SHISA6: variants seen among roughly 807,000 people sequenced by gnomAD.
SHISA6 encodes shisa family member 6.
A neutral mutation model predicts 47.9 loss-of-function variants in SHISA6; 22 were observed. That is an observed-to-expected ratio of 0.46 (90% confidence interval 0.33 to 0.66). SHISA6 has a LOEUF of 0.66. Among genes scored for constraint, SHISA6 ranks in the 30% least tolerant of loss-of-function variants. The pLI, the probability that SHISA6 is intolerant of heterozygous loss-of-function variation, is 0.02. For synonymous variants in SHISA6, 388 were observed against 337.8 expected (o/e 1.15, Z -1.63); for missense variants, 680 against 764.6 (o/e 0.89, Z 1.30).
intron 2 of SHISA6, among the ~76,000 whole-genome samples, chr17:11,345,992 C>A (rs750262828): frequency 6.6e-6 from 1 of 152,122 alleles, no homozygotes; most frequent in African/African-American, 2.4e-5. Flanking sequence ...ACCTCCAGTA[C>A]AATAAAAGTT....
chr17:11,462,613 T>C lies in SHISA6; in HGVS notation c.895+83104T>C, dbSNP rs117049217. On this transcript the variant is annotated intron_variant, in intron 3 of 5. Transcript: ENST00000441885. ...AACACAGCTGACAGTGTGGGGTTTTTTTTGTTTGTTTGTTTTTGTTTTTTT... is the reference window on the plus strand; with the variant it reads ...AACACAGCTGACAGTGTGGGGTTTTCTTTGTTTGTTTGTTTTTGTTTTTTT... 2.9e-3 allele frequency among the ~76,000 whole-genome samples: 443 copies of C among 152,240 alleles called. 1 individual carries two copies. The highest frequency in any genetic ancestry group is 5.2e-3 in the Admixed American group (80 of 15,290).
intron 2 of SHISA6, among the ~76,000 whole-genome samples, chr17:11,270,966 G>A (rs1908622280): frequency 6.6e-6 from 1 of 152,166 alleles, no homozygotes; most frequent in African/African-American, 2.4e-5. Flanking sequence ...TTTATAGCTG[G>A]TTGAACCAGG....
intron 2 of SHISA6, among the ~76,000 whole-genome samples, chr17:11,357,484 C>A (rs761672584): frequency 6.6e-6 from 1 of 152,106 alleles, no homozygotes. Flanking sequence ...TAGAGAGCAA[C>A]CGATGTGTCT....
At chr17:11,317,654 G>A (rs9906571) in intron 2 of SHISA6, among the ~76,000 whole-genome samples, 111,516 of 151,472 alleles carry the variant, frequency 0.74, 41,200 homozygotes, top group Middle Eastern at 0.77. Context: ...ACTTACTTGG[G>A]TGCCTGTCTG....
At chr17:11,527,463 A>G (rs147677112) in intron 3 of SHISA6, among the ~76,000 whole-genome samples, 1 of 152,260 alleles carries the variant, frequency 6.6e-6, no homozygotes, top group East Asian at 1.9e-4. Context: ...CTGCTGGATG[A>G]TGTGTATGCC....
intron 2 of SHISA6, among the ~76,000 whole-genome samples, chr17:11,367,959 C>T (rs1299237039): frequency 6.6e-6 from 1 of 152,116 alleles, no homozygotes; most frequent in Non-Finnish European, 1.5e-5. Flanking sequence ...CAGATGCTGG[C>T]CGGACAGCTC....
intron 2 of SHISA6, among the ~76,000 whole-genome samples, chr17:11,286,419 A>G (rs1400994773): frequency 1.3e-5 from 2 of 151,954 alleles, no homozygotes; most frequent in African/African-American, 2.4e-5. Context: ...CTGAAATGCT[A>G]CTTCCTCTGG....
intron 2 of SHISA6, chr17:11,289,181 T>C (rs1909431781): frequency 6.6e-6 from 1 of 152,228 alleles, no homozygotes; most frequent in African/African-American, 2.4e-5. Flanking sequence ...GGGATATCTA[T>C]TTAAATAATT....
chr17:11,379,352 G>T lies in SHISA6; in HGVS notation c.800-62G>T, dbSNP rs1004566704. The T allele has an allele frequency of 5.7e-6, 7 of 1,227,070 alleles. No individual in the cohort carries two copies. The African/African-American group carries it at 1.1e-4, about 19-fold the overall frequency. The allele number at this position is 1,227,070 out of a possible 1,614,324, so 76.0% of individuals were successfully genotyped here. On this transcript the variant is annotated intron_variant, in intron 2 of 5. Coordinates refer to ENST00000441885, the MANE Select transcript of SHISA6 (RefSeq NM_207386.4). ...CATCACTGTTGGGTGAGATGCAGCT[G>T]CGCTTGTCTTCCATGTTGGTGTCGT...
intron 2 of SHISA6, among the ~76,000 whole-genome samples, chr17:11,325,090 T>A (rs1910833468): frequency 6.6e-6 from 1 of 152,148 alleles, no homozygotes; most frequent in Non-Finnish European, 1.5e-5. Context: ...TGTGCCATCA[T>A]TCTCAGATGG....
At chr17:11,415,152 C>T (rs941527387) in intron 3 of SHISA6, among the ~76,000 whole-genome samples, 1 of 151,746 alleles carries the variant, frequency 6.6e-6, no homozygotes, top group East Asian at 1.9e-4. Context: ...TAATAGGGAG[C>T]ATTTATTCAG....
chr17:11,312,770 G>A (rs1910381352), intron 2 of SHISA6, among the ~76,000 whole-genome samples: 2 of 151,990 alleles, frequency 1.3e-5, no homozygotes, highest in African/African-American at 4.8e-5. Flanking sequence ...TTATAATATG[G>A]AATAAATGTA....
chr17:11,245,425 C>T (rs1341967241), intron 1 of SHISA6, among the ~76,000 whole-genome samples: 1 of 152,216 alleles, frequency 6.6e-6, no homozygotes, highest in Non-Finnish European at 1.5e-5. Context: ...CCCTGAGGGG[C>T]TTTTTGTTCT....
At chr17:11,327,544 C>T (rs1910940586) in intron 2 of SHISA6, among the ~76,000 whole-genome samples, 1 of 152,200 alleles carries the variant, frequency 6.6e-6, no homozygotes, top group African/African-American at 2.4e-5. Flanking sequence ...TACTGAAGGA[C>T]CCAGCACTTT....
chr17:11,314,264 G>C (rs142481777), intron 2 of SHISA6, among the ~76,000 whole-genome samples: 1 of 151,914 alleles, frequency 6.6e-6, no homozygotes, highest in East Asian at 1.9e-4. Flanking sequence ...CATGAAGTTG[G>C]GTTTGTTCAT....
At chr17:11,311,166 C>T (rs928093370) in intron 2 of SHISA6, among the ~76,000 whole-genome samples, 18 of 147,858 alleles carry the variant, frequency 1.2e-4, no homozygotes, top group African/African-American at 4.5e-4. Flanking sequence ...CCTGTAGTTC[C>T]AGCTACTCAG....
At chr17:11,491,099 G>A (rs982032953) in intron 3 of SHISA6, among the ~76,000 whole-genome samples, 2 of 152,186 alleles carry the variant, frequency 1.3e-5, no homozygotes, top group East Asian at 1.9e-4. Flanking sequence ...CATCTCCAAC[G>A]TCAAGATTCT....
chr17:11,526,666 A>C (rs937457989), intron 3 of SHISA6, among the ~76,000 whole-genome samples: 3 of 152,036 alleles, frequency 2.0e-5, no homozygotes, highest in Non-Finnish European at 2.9e-5. Context: ...GTTCCACGTT[A>C]TACAGCTGAG....
intron 2 of SHISA6, among the ~76,000 whole-genome samples, chr17:11,308,398 A>T (rs917116224): frequency 7.1e-6 from 1 of 140,718 alleles, no homozygotes; most frequent in Non-Finnish European, 1.6e-5. Context: ...GTGCACAGGA[A>T]TGCAGCAAAT....
Sources: allele counts gnomAD v4.1 joint callset (sites outside exome capture counted in the v4.1 genomes callset), GRCh38; gene constraint gnomAD v4.1.1; transcripts MANE v1.5; gene names NCBI Gene and HGNC (gene_info 2026-07-23, HGNC 2026-07-21).